TMEM63B: variants seen among roughly 807,000 people sequenced by gnomAD.
The protein encoded by TMEM63B is mechanosensitive cation channel TMEM63B.
In TMEM63B, 23 loss-of-function variants were observed where a neutral mutation model predicts 102.6. The observed-to-expected ratio is 0.22, with a 90% CI of 0.16 to 0.32. The LOEUF (loss-of-function observed/expected upper bound fraction) is 0.32, where lower values mean the gene tolerates loss of function less well. TMEM63B is among the 10% of genes least tolerant of loss of function. The pLI is 1.00. For missense variants in TMEM63B, 628 were observed against 1,095.9 expected (o/e 0.57, Z 6.03); for synonymous variants, 444 against 437.0 (o/e 1.02, Z -0.20).
upstream of TMEM63B, chr6:44,127,424 G>A (rs1777329174): frequency 6.6e-6 from 1 of 151,890 alleles, no homozygotes; most frequent in Non-Finnish European, 1.5e-5. Context: ...TCTTCCTAGC[G>A]CCTGCGCGCC....
intron 18 of TMEM63B, among the ~76,000 whole-genome samples, chr6:44,151,046 A>G (rs1561822159): frequency 6.6e-6 from 1 of 151,990 alleles, no homozygotes; most frequent in Non-Finnish European, 1.5e-5. Flanking sequence ...CTTGGAGGCT[A>G]CTAGGGGTAT....
In TMEM63B at chr6:44,139,518, C is replaced by T; in HGVS notation, c.459C>T (p.Ser153=). 2 of 1,614,240 alleles carry T rather than the reference C, an allele frequency of 1.2e-6. No individual in the cohort carries two copies. Among genetic ancestry groups the T allele is most frequent in the Non-Finnish European group, 1.7e-6 (2 of 1,180,048 alleles). The change falls in exon 7 of 24, where the codon TCC becomes TCT. Residue 153 remains serine (S), a synonymous_variant. Transcript: ENST00000323267. ...GGGGCGATGCCGTGCACTACCTGTCCTTTCAGCGGCACATCATCGGGCTGC... is the reference window on the plus strand; with the variant it reads ...GGGGCGATGCCGTGCACTACCTGTCTTTTCAGCGGCACATCATCGGGCTGC... ...KCGGDAVHYL[S]FQRHIIGLLV... is the part of the protein sequence containing the mutation.
At chr6:44,146,288 A>ACATC (rs1266505552) in intron 10 of TMEM63B, among the ~76,000 whole-genome samples, 1 of 152,198 alleles carries the variant, frequency 6.6e-6, no homozygotes, top group East Asian at 1.9e-4. Context: ...ATGTCCCTAC[A>ACATC]CATCCTGGTT....
In TMEM63B at chr6:44,149,030, C is replaced by G. The variant is rs752815642; in HGVS notation, c.1413+85C>G. ...CTGATCCCTCTTCCACTTGCCCAGCCCAGCCCGTTCTGCTTGTTCCAACCC... is the reference window on the plus strand; with the variant it reads ...CTGATCCCTCTTCCACTTGCCCAGCGCAGCCCGTTCTGCTTGTTCCAACCC... On this transcript the variant is annotated intron_variant, in intron 15 of 23. Transcript: ENST00000323267. 4 of 1,598,582 alleles carry G rather than the reference C, an allele frequency of 2.5e-6. No individual in the cohort carries two copies. The African/African-American group carries it at 5.4e-5, about 22-fold the overall frequency.
intron 10 of TMEM63B, among the ~76,000 whole-genome samples, chr6:44,144,217 T>C (rs1168927090): frequency 2.0e-5 from 3 of 152,214 alleles, no homozygotes; most frequent in Non-Finnish European, 4.4e-5. Context: ...TGGTGAGGAC[T>C]AAGAGACAGC....
chr6:44,135,377 C>T lies in TMEM63B; in HGVS notation c.278+11C>T. The stretch of plus-strand genomic sequence containing the variant: ...AGTGGAACAGGAATAGTATGTGGGG[C>T]ACCAGCCCCCTCATTCCCACTAAAC... On this transcript the variant is annotated intron_variant, in intron 4 of 23. Coordinates refer to ENST00000323267, the MANE Select transcript of TMEM63B (RefSeq NM_018426.3). The T allele has an allele frequency of 1.9e-6, 3 of 1,608,660 alleles. No homozygotes were observed. Among genetic ancestry groups the T allele is most frequent in the Non-Finnish European group, 2.6e-6 (3 of 1,176,284 alleles).
intron 11 of TMEM63B, 58 bp from the exon 12 acceptor site, chr6:44,147,319 C>A: frequency 6.2e-7 from 1 of 1,613,346 alleles, no homozygotes; most frequent in South Asian, 1.1e-5. Context: ...CTAGATGACC[C>A]CCAAGCTGAG....
intron 1 of TMEM63B, among the ~76,000 whole-genome samples, chr6:44,131,729 C>T (rs1462347719): frequency 9.5e-6 from 1 of 105,740 alleles, no homozygotes; most frequent in Non-Finnish European, 1.8e-5. Context: ...AAAAAATACA[C>T]AACAACCCCC....
chr6:44,138,990 C>T (rs544996093), intron 6 of TMEM63B: 7 of 247,804 alleles, frequency 2.8e-5, no homozygotes, highest in East Asian at 9.6e-5. Flanking sequence ...GGCTTCACTA[C>T]GCCAGGCTCA....
At chr6:44,144,612 A>G (rs945869803) in intron 10 of TMEM63B, among the ~76,000 whole-genome samples, 6 of 151,662 alleles carry the variant, frequency 4.0e-5, no homozygotes, top group Non-Finnish European at 8.8e-5. Context: ...TTTTTGAGAC[A>G]GAGTCTCACT....
chr6:44,140,318 G>A lies in TMEM63B; in HGVS notation c.669G>A (p.Met223Ile). The A allele has an allele frequency of 6.2e-7, 1 of 1,613,994 alleles. No individual in the cohort carries two copies. Among genetic ancestry groups the A allele is most frequent in the Non-Finnish European group, 8.5e-7 (1 of 1,179,958 alleles). ...FLYLLLTVYS[M>I]RRHTSKMRYK... is the part of the protein sequence containing the mutation. ...ATCTGCTGCTCACCGTCTACAGCAT[G>A]CGTAGACACACCTCCAAGATGCGCT... Residue 223 changes from methionine to isoleucine, a missense_variant, in exon 9 of 24, where the codon ATG becomes ATA. Met to Ile is a conservative substitution (Grantham distance 10). Transcript: ENST00000323267.
intron 15 of TMEM63B, 109 bp from the exon 16 acceptor site, chr6:44,149,750 G>A (rs112313575): frequency 2.5e-6 from 2 of 811,930 alleles, no homozygotes; most frequent in African/African-American, 1.7e-5. Context: ...CAACATGGGA[G>A]CCCTGAGAGT....
At position 44,151,832 on chromosome 6, in the gene TMEM63B, C is replaced by G. The variant is rs1315803036; in HGVS notation, c.1674-14C>G. On this transcript the variant is annotated splice_polypyrimidine_tract_variant and intron_variant, in intron 18 of 23. Transcript: ENST00000323267. ...ACCCCAAGGGTGCAGTGCTGGAGCA[C>G]CTGGTGCCCGCAGGTGTGTGTTCCT... The G allele has an allele frequency of 6.3e-7, 1 of 1,599,588 alleles. No homozygotes were observed. The highest frequency in any genetic ancestry group is 8.5e-7 in the Non-Finnish European group (1 of 1,172,878).
intron 10 of TMEM63B, 84 bp downstream of exon 10, chr6:44,141,182 C>T: frequency 7.4e-7 from 1 of 1,355,938 alleles, no homozygotes; most frequent in Non-Finnish European, 1.0e-6. Flanking sequence ...TCCTTATACC[C>T]TAGCCTGGAG....
In TMEM63B at chr6:44,143,787, G is replaced by A. The variant is rs188810305; in HGVS notation, c.782+2689G>A. Among the ~76,000 whole-genome samples the A allele has an allele frequency of 3.3e-5, 5 of 152,236 alleles. No homozygotes were observed. In the East Asian group the frequency reaches 7.7e-4, roughly 24 times the overall value. On this transcript the variant is annotated intron_variant, in intron 10 of 23. Transcript: ENST00000323267. ...CTAAGAAAACCACAGCAGGGAAGCA[G>A]GCAGGGTAAGAGGGGTTGGGAAGGG...
At chr6:44,147,549 G>C (rs1237997008) in intron 12 of TMEM63B, 49 bp downstream of exon 12, 30 of 1,600,482 alleles carry the variant, frequency 1.9e-5, no homozygotes, top group Non-Finnish European at 2.6e-5. Flanking sequence ...ACAGGTCCTG[G>C]GCAGGCAAGG....
intron 10 of TMEM63B, among the ~76,000 whole-genome samples, chr6:44,142,406 A>C (rs1764475793): frequency 6.6e-6 from 1 of 151,894 alleles, no homozygotes; most frequent in African/African-American, 2.4e-5. Flanking sequence ...GGCGCGTACC[A>C]GTAGTCTCAG....
At chr6:44,142,289 C>T (rs1371414027) in intron 10 of TMEM63B, among the ~76,000 whole-genome samples, 1 of 136,970 alleles carries the variant, frequency 7.3e-6, no homozygotes, top group Non-Finnish European at 1.6e-5. Flanking sequence ...AAAAAAAAAT[C>T]ATTGAGGGCC....
In TMEM63B at chr6:44,151,687, G is replaced by C. The variant is rs535568381; in HGVS notation, c.1674-159G>C. 5.9e-5 allele frequency among the ~76,000 whole-genome samples: 9 copies of C among 152,236 alleles called. No individual in the cohort carries two copies. The South Asian group carries it at 1.0e-3, about 18-fold the overall frequency. ...TCTGTTGCCACTCTGTATGTCTCTG[G>C]GGGGAACAGGGCACAGGTGCTTGGG... On this transcript the variant is annotated intron_variant, in intron 18 of 23. Transcript: ENST00000323267.
Sources: gnomAD v4.1 joint callset for allele counts (sites outside exome capture counted in the v4.1 genomes callset) on GRCh38, gnomAD v4.1.1 for gene constraint, MANE v1.5 for transcripts, NCBI Gene and HGNC (gene_info 2026-07-23, HGNC 2026-07-21) for gene names.